The following SGK1 variants were observed in gnomAD, a reference collection of about 807,000 sequenced individuals.
SGK1 encodes serum/glucocorticoid regulated kinase 1.
A neutral mutation model predicts 64.2 loss-of-function variants in SGK1; 26 were observed. The observed-to-expected ratio is 0.40, with a 90% CI of 0.30 to 0.56. SGK1 has a LOEUF of 0.56. SGK1 is among the 20% of genes least tolerant of loss of function. The pLI is 0.38. For missense variants in SGK1, 519 were observed against 645.6 expected (o/e 0.80, Z 2.12); for synonymous variants, 265 against 239.7 (o/e 1.11, Z -0.98).
intron 3 of SGK1, among the ~76,000 whole-genome samples, chr6:134,182,857 A>G (rs1253008820): frequency 1.3e-5 from 2 of 152,250 alleles, no homozygotes; most frequent in Non-Finnish European, 2.9e-5. Context: ...TGCCATGATT[A>G]CTGAATAAAG....
chr6:134,206,881 A>C (rs1057049757), intron 3 of SGK1, among the ~76,000 whole-genome samples: 9 of 106,718 alleles, frequency 8.4e-5, no homozygotes, highest in Admixed American at 4.2e-4. Flanking sequence ...AAAAAAAAAA[A>C]AACAAAAAAA....
intron 2 of SGK1, among the ~76,000 whole-genome samples, chr6:134,227,560 C>T (rs1426220996): frequency 6.6e-6 from 1 of 152,210 alleles, no homozygotes; most frequent in African/African-American, 2.4e-5. Context: ...GATATACAAA[C>T]TGAAGCTGGC....
rs184011637 is a variant in SGK1 at position 134,255,149 on chromosome 6, G to A, written c.285+6784C>T. On this transcript the variant is annotated intron_variant, in intron 2 of 13. Transcript: ENST00000367858. Reference sequence around the variant, plus strand: ...CTCCCAAAGTGCTGGGATTACAGGCGTGAGCCACCGTGCCCGGCTACAAAT... The same window carrying A: ...CTCCCAAAGTGCTGGGATTACAGGCATGAGCCACCGTGCCCGGCTACAAAT... Among the ~76,000 whole-genome samples the A allele has an allele frequency of 1.9e-3, 284 of 152,254 alleles. 1 individual carries two copies. Among genetic ancestry groups the A allele is most frequent in the Admixed American group, 7.1e-3 (109 of 15,284 alleles).
At chr6:134,256,700 T>C (rs1776689523) in intron 2 of SGK1, among the ~76,000 whole-genome samples, 1 of 152,088 alleles carries the variant, frequency 6.6e-6, no homozygotes, top group African/African-American at 2.4e-5. Context: ...CATGCATTAT[T>C]TAGTAACAGC....
At chr6:134,255,760 T>A (rs1776673999) in intron 2 of SGK1, among the ~76,000 whole-genome samples, 1 of 151,748 alleles carries the variant, frequency 6.6e-6, no homozygotes, top group Non-Finnish European at 1.5e-5. Context: ...AATTTTTGTA[T>A]TTTTAGTAGA....
At chr6:134,249,239 C>T (rs772618043) in intron 2 of SGK1, among the ~76,000 whole-genome samples, 2 of 152,194 alleles carry the variant, frequency 1.3e-5, no homozygotes, top group African/African-American at 2.4e-5. Context: ...CCTACTGATA[C>T]CACTTTTGTG....
intron 3 of SGK1, among the ~76,000 whole-genome samples, chr6:134,184,984 C>T (rs1040895431): frequency 3.3e-5 from 5 of 152,198 alleles, no homozygotes; most frequent in African/African-American, 7.2e-5. Flanking sequence ...CGACCCTGGC[C>T]GGAATAATTA....
intron 2 of SGK1, among the ~76,000 whole-genome samples, chr6:134,248,770 C>G (rs997843700): frequency 6.6e-6 from 1 of 152,100 alleles, no homozygotes; most frequent in African/African-American, 2.4e-5. Context: ...TAGGCTCTCC[C>G]TCATCAAGAG....
chr6:134,179,709 C>T (rs1467280489), intron 3 of SGK1, among the ~76,000 whole-genome samples: 1 of 151,988 alleles, frequency 6.6e-6, no homozygotes, highest in Non-Finnish European at 1.5e-5. Context: ...TATCTCTAAT[C>T]ATAGTGTTAA....
At chr6:134,220,543 TA>T (rs1338841628) in intron 2 of SGK1, among the ~76,000 whole-genome samples, 1 of 152,182 alleles carries the variant, frequency 6.6e-6, no homozygotes, top group Non-Finnish European at 1.5e-5. Flanking sequence ...AAGTAAAACT[TA>T]AAATTTACTT....
chr6:134,172,097 GA>G, intron 10 of SGK1, 95 bp downstream of exon 10: 5 of 1,340,598 alleles, frequency 3.7e-6, no homozygotes, highest in Non-Finnish European at 5.2e-6. Flanking sequence ...AAGTCTCTGA[GA>G]GGAGTTTACT....
In SGK1 at chr6:134,317,427, T is replaced by G; in HGVS notation, c.34A>C (p.Lys12Gln). Residue 12 changes from lysine to glutamine, a missense_variant, in exon 1 of 14, where the codon AAG (lysine) becomes CAG (glutamine). Lys to Gln is a moderately conservative substitution (Grantham distance 53, BLOSUM62 1). Around this residue, in one of 2 missense-constraint regions of SGK1, gnomAD observed 241 missense variants for 236.9 expected, o/e 1.02. Transcript: ENST00000367858. ...AAAAATTGGAAGGCTGAGCATTTCT[T>G]GACTGGGAATCCATTCATGTCTTTG... ...VNKDMNGFPV[K>Q]KCSAFQFFKK... 9 of 1,611,376 alleles carry G rather than the reference T, an allele frequency of 5.6e-6. No individual in the cohort carries two copies. Among genetic ancestry groups the G allele is most frequent in the Non-Finnish European group, 7.6e-6 (9 of 1,177,408 alleles).
intron 1 of SGK1, among the ~76,000 whole-genome samples, chr6:134,290,669 C>A (rs1777251334): frequency 6.6e-6 from 1 of 152,120 alleles, no homozygotes; most frequent in Non-Finnish European, 1.5e-5. Flanking sequence ...TGGAGCTTCT[C>A]ATTGTGCCTC....
chr6:134,306,199 G>A (rs532041407), intron 1 of SGK1, among the ~76,000 whole-genome samples: 200 of 152,236 alleles, frequency 1.3e-3, no homozygotes, highest in Non-Finnish European at 2.3e-3. Flanking sequence ...GAGGTGGGTG[G>A]ATCACCTGAG....
chr6:134,238,719 G>A (rs953542975), intron 2 of SGK1, among the ~76,000 whole-genome samples: 16 of 152,008 alleles, frequency 1.1e-4, no homozygotes, highest in Non-Finnish European at 7.4e-5. Context: ...CTCCAATGTG[G>A]AACACATTAA....
chr6:134,298,507 T>A, intron 1 of SGK1: 1 of 802,144 alleles, frequency 1.2e-6, no homozygotes, highest in Non-Finnish European at 2.2e-6. Context: ...GTGACGGCAG[T>A]GATGCCTCCC....
At chr6:134,226,672 TGACAGAGTGA>T (rs1336043998) in intron 2 of SGK1, among the ~76,000 whole-genome samples, 4 of 150,886 alleles carry the variant, frequency 2.7e-5, no homozygotes, top group African/African-American at 9.8e-5. Flanking sequence ...CAAGCCTGGG[TGACAGAGTGA>T]GACCCTGTCT....
rs1775000321 is a variant in SGK1 at position 134,170,994 on chromosome 6, G to C, written c.1323+29C>G. The stretch of plus-strand genomic sequence containing the variant: ...GGAGGTCTAGTGCACGTCCCGGCCG[G>C]CCCAGGAGGACAGGAAAACATCACT... On this transcript the variant is annotated intron_variant, in intron 12 of 13. Transcript: ENST00000367858. 1.9e-6 allele frequency: 3 copies of C among 1,613,446 alleles called. No homozygotes were observed. The East Asian group carries it at 6.7e-5, about 36-fold the overall frequency.
In SGK1 at chr6:134,273,592, C is replaced by CAAAAAAAAAAAAAAAAAA. The variant is rs58634499; in HGVS notation, c.70-11462_70-11445dup. ...TGGGCGACAGAGCGAGACTCCGTCT[C>CAAAAAAAAAAAAAAAAAA]AAAAAAAAAAAAAAAAAAAAAAAAA... On this transcript the variant is annotated intron_variant, in intron 1 of 13. Coordinates refer to ENST00000367858, the MANE Select transcript of SGK1 (RefSeq NM_001143676.3). 3.7e-4 allele frequency among the ~76,000 whole-genome samples: 6 copies of CAAAAAAAAAAAAAAAAAA among 16,222 alleles called. 1 individual carries two copies. Among genetic ancestry groups the CAAAAAAAAAAAAAAAAAA allele is most frequent in the Non-Finnish European group, 5.9e-4 (5 of 8,540 alleles). 10.6% of individuals were successfully genotyped at this position (16,222 alleles called of 152,430 possible). A position where few individuals can be genotyped will look rare whatever the true frequency, so the allele number is the denominator to read the frequency against.
Sources: gnomAD v4.1 joint callset for allele counts (sites outside exome capture counted in the v4.1 genomes callset) on GRCh38, gnomAD v4.1.1 for gene constraint, gnomAD v4.1.1 regional missense constraint, MANE v1.5 for transcripts, NCBI Gene and HGNC (gene_info 2026-07-23, HGNC 2026-07-21) for gene names.